SRP68: variants seen among roughly 807,000 people sequenced by gnomAD.
SRP68 encodes signal recognition particle 68, also known as signal recognition particle subunit SRP68.
In SRP68, 15 loss-of-function variants were observed where a neutral mutation model predicts 82.2. That is an observed-to-expected ratio of 0.18 (90% CI 0.12 to 0.28). SRP68 has a LOEUF of 0.28. SRP68 is among the 10% of genes least tolerant of loss of function. SRP68 has a pLI of 1.00. For synonymous variants in SRP68, 261 were observed against 292.6 expected (o/e 0.89, Z 1.10); for missense variants, 595 against 780.5 (o/e 0.76, Z 2.83).
intron 7 of SRP68, among the ~76,000 whole-genome samples, chr17:76,059,165 C>T (rs2066732930): frequency 6.6e-6 from 1 of 152,188 alleles, no homozygotes; most frequent in African/African-American, 2.4e-5. Flanking sequence ...AGGAGGATCA[C>T]TTGAGAGCAG....
At chr17:76,053,754 TTC>T in intron 8 of SRP68, 1 of 662,644 alleles carries the variant, frequency 1.5e-6, no homozygotes, top group Non-Finnish European at 1.9e-6. Context: ...GCTCTCATGA[TTC>T]TCCCTGGGCA....
At chr17:76,045,229 A>G (rs1045567333) in intron 12 of SRP68, 63 bp downstream of exon 12, 3 of 1,302,968 alleles carry the variant, frequency 2.3e-6, no homozygotes, top group African/African-American at 1.5e-5. Context: ...GGGCTGGGTC[A>G]TGCTCCCAAT....
At chr17:76,068,453 C>A in intron 2 of SRP68, among the ~76,000 whole-genome samples, 1 of 134,512 alleles carries the variant, frequency 7.4e-6, no homozygotes, top group East Asian at 2.1e-4. Flanking sequence ...AAGACTGTGT[C>A]TGAAAAAAAA....
chr17:76,048,657 G>A (rs1206334818), intron 9 of SRP68: 3 of 152,202 alleles, frequency 2.0e-5, no homozygotes, highest in African/African-American at 7.2e-5. Context: ...GGGAATACTG[G>A]AAAAGGATTC....
At chr17:76,047,035 GA>G (rs1222898007) in intron 10 of SRP68, among the ~76,000 whole-genome samples, 1 of 152,214 alleles carries the variant, frequency 6.6e-6, no homozygotes, top group Non-Finnish European at 1.5e-5. Context: ...CTGAGCCCGG[GA>G]GGCAAAGGTT....
intron 2 of SRP68, among the ~76,000 whole-genome samples, chr17:76,068,823 C>T (rs1012067856): frequency 1.3e-5 from 2 of 151,966 alleles, no homozygotes; most frequent in Non-Finnish European, 2.9e-5. Context: ...AGGCTGGGCT[C>T]GAACTCCGGG....
chr17:76,062,729 TTATATATATATATA>T lies in SRP68; in HGVS notation c.562-1169_562-1156del, dbSNP rs200522360. On this transcript the variant is annotated intron_variant, in intron 4 of 15. Coordinates refer to ENST00000307877, the MANE Select transcript of SRP68 (RefSeq NM_014230.4). ...TATTATACAATATATTATATTTATTTTATATATATATATATATATATATATATATATATATAAAA... is the reference window on the plus strand; with the variant it reads ...TATTATACAATATATTATATTTATTTTATATATATATATATATATATAAAA... 5.0e-3 allele frequency among the ~76,000 whole-genome samples: 72 copies of T among 14,510 alleles called. 10 individuals carry two copies. Among genetic ancestry groups the T allele is most frequent in the African/African-American group, 0.033 (43 of 1,314 alleles). 9.5% of individuals were successfully genotyped at this position (14,510 alleles called of 152,430 possible).
chr17:76,057,288 A>G (rs2066719649), intron 8 of SRP68, 115 bp downstream of exon 8: 16 of 1,264,652 alleles, frequency 1.3e-5, no homozygotes, highest in Non-Finnish European at 1.7e-5. Flanking sequence ...AATCCAAAAC[A>G]GCATTAAAAG....
At position 76,072,159 on chromosome 17, in the gene SRP68, A is replaced by C; in HGVS notation, c.184+149T>G. On this transcript the variant is annotated intron_variant, in intron 1 of 15. Coordinates refer to ENST00000307877, the MANE Select transcript of SRP68 (RefSeq NM_014230.4). This position sits in a 1 kb window ranked among gnomAD's most constrained non-coding sequence, Gnocchi z 4.5. ...TAGTCGAGAGACAGACCCCCCCCGG[A>C]ATTCTGAGCACCAAAAGGTAAGGGC... The C allele has an allele frequency of 2.5e-4, 306 of 1,213,070 alleles. No individual in the cohort carries two copies. The highest frequency in any genetic ancestry group is 3.1e-4 in the Non-Finnish European group (268 of 872,082). 75.1% of individuals were successfully genotyped at this position (1,213,070 alleles called of 1,614,324 possible).
chr17:76,058,962 G>T (rs2066731116), intron 7 of SRP68, among the ~76,000 whole-genome samples: 1 of 152,194 alleles, frequency 6.6e-6, no homozygotes, highest in African/African-American at 2.4e-5. Flanking sequence ...GGATAAGGTG[G>T]ATCATGCCTG....
intron 3 of SRP68, among the ~76,000 whole-genome samples, chr17:76,064,772 C>A (rs935259584): frequency 7.2e-6 from 1 of 139,624 alleles, no homozygotes; most frequent in Admixed American, 7.9e-5. Flanking sequence ...ACCGAGGAGG[C>A]GGAGGTTGCA....
At chr17:76,046,278 C>A in intron 10 of SRP68, 84 bp from the exon 11 acceptor site, 1 of 1,500,060 alleles carries the variant, frequency 6.7e-7, no homozygotes, top group Non-Finnish European at 9.2e-7. Flanking sequence ...GGGGCTGACC[C>A]AGAGGAAGCA....
chr17:76,062,779 TA>T (rs1169336897), intron 4 of SRP68, among the ~76,000 whole-genome samples: 17 of 104,684 alleles, frequency 1.6e-4, no homozygotes, highest in Non-Finnish European at 2.7e-4. Flanking sequence ...TATATATATA[TA>T]TTTTTTTTGA....
At chr17:76,062,179 C>G (rs1013883868) in intron 4 of SRP68, among the ~76,000 whole-genome samples, 1 of 151,026 alleles carries the variant, frequency 6.6e-6, no homozygotes, top group African/African-American at 2.4e-5. Flanking sequence ...CCCAGCTACT[C>G]GGGAGGCTGA....
Position 76,058,469 on chromosome 17 carries a change from G to A in SRP68, c.838-926C>T, listed in dbSNP as rs566880895. ...AGGTGGGGTCTCACTGTGTTGCCCC[G>A]GCTGGTCTTGAACTCCTGGGCTCGA... On this transcript the variant is annotated intron_variant, in intron 7 of 15. Transcript: ENST00000307877. Among the ~76,000 whole-genome samples, 12 of 151,898 alleles carry A rather than the reference G, an allele frequency of 7.9e-5. No individual in the cohort carries two copies. The East Asian group carries it at 2.1e-3, about 27-fold the overall frequency.
intron 1 of SRP68, among the ~76,000 whole-genome samples, chr17:76,070,850 G>GCACA (rs71891783): frequency 0.017 from 2,479 of 146,846 alleles, 42 homozygotes; most frequent in African/African-American, 0.047. Flanking sequence ...ACATGCACAT[G>GCACA]CACACACACA....
chr17:76,064,332 T>C (rs1327658911), intron 3 of SRP68, among the ~76,000 whole-genome samples, 161 bp from the exon 4 acceptor site: 1 of 152,216 alleles, frequency 6.6e-6, no homozygotes, highest in African/African-American at 2.4e-5. Flanking sequence ...TCTAAACCAG[T>C]ATCTCTATTC....
At position 76,048,961 on chromosome 17, in the gene SRP68, G is replaced by A. The variant is rs760758540; in HGVS notation, c.1078-991C>T. 6 of 152,220 alleles carry A rather than the reference G, an allele frequency of 3.9e-5. No individual in the cohort carries two copies. In the East Asian group the frequency reaches 1.2e-3, roughly 29 times the overall value. The allele number at this position is 152,220 out of a possible 1,614,324, so 9.4% of individuals were successfully genotyped here. A position where few individuals can be genotyped will look rare whatever the true frequency, so the allele number is the denominator to read the frequency against. ...CATAAAGGCAGCCTAACGGGGCAAG[G>A]AAGCAGGTGACTCCTTAGAGAAAGC... is the stretch of plus-strand genomic sequence containing the variant. On this transcript the variant is annotated intron_variant, in intron 9 of 15. Coordinates refer to ENST00000307877, the MANE Select transcript of SRP68 (RefSeq NM_014230.4).
Position 76,045,321 on chromosome 17 carries a change from G to A in SRP68, c.1365C>T (p.Gly455=). 2 of 1,613,798 alleles carry A rather than the reference G, an allele frequency of 1.2e-6. No homozygotes were observed. Among genetic ancestry groups the A allele is most frequent in the South Asian group, 1.1e-5 (1 of 91,068 alleles). Residue 455 remains glycine (G), a synonymous_variant, in exon 12 of 16, where the codon GGC becomes GGT. Coordinates refer to ENST00000307877, the MANE Select transcript of SRP68 (RefSeq NM_014230.4). ...EEDKAFQKEI[G]LKTLVFKAYR... ...AAGCTTTGAACACCAGAGTCTTGAG[G>A]CCTATCTCTTTCTGGAAGGCTTTGT...
Sources: allele counts gnomAD v4.1 joint callset (sites outside exome capture counted in the v4.1 genomes callset), GRCh38; gene constraint gnomAD v4.1.1; non-coding constraint Gnocchi (gnomAD v3.1); transcripts MANE v1.5; gene names NCBI Gene and HGNC (gene_info 2026-07-23, HGNC 2026-07-21).